Variants in MYO1D observed in about 807,000 individuals in gnomAD.
MYO1D encodes the protein myosin ID, also known as unconventional myosin-Id.
Under a neutral mutation model 122.0 loss-of-function variants are expected in MYO1D, and 83 were observed. The ratio of observed to expected loss-of-function variants is 0.68; its 90% CI spans 0.57 to 0.82. MYO1D has a LOEUF of 0.82. MYO1D is among the 40% of genes least tolerant of loss of function. The pLI is 0.00. For synonymous variants in MYO1D, 464 were observed against 446.9 expected (o/e 1.04, Z -0.48); for missense variants, 1,157 against 1,269.5 (o/e 0.91, Z 1.35).
At chr17:32,594,665 T>G in intron 21 of MYO1D, 1 of 479,782 alleles carries the variant, frequency 2.1e-6, no homozygotes, top group Non-Finnish European at 3.7e-6. Context: ...TATCTTCCTT[T>G]ATAGGCCTCC....
chr17:32,777,741 C>G (rs753670712), intron 3 of MYO1D, among the ~76,000 whole-genome samples: 2 of 151,528 alleles, frequency 1.3e-5, no homozygotes, highest in Non-Finnish European at 2.9e-5. Context: ...GTCAGGAGAT[C>G]GAGACCACAG....
intron 20 of MYO1D, among the ~76,000 whole-genome samples, chr17:32,630,508 G>A (rs8079401): frequency 0.43 from 64,692 of 152,062 alleles, 14,012 homozygotes; most frequent in Middle Eastern, 0.49. Context: ...GGCTTAAACA[G>A]CAGAAATGTA....
chr17:32,743,811 G>T (rs928147019), intron 13 of MYO1D, among the ~76,000 whole-genome samples: 4 of 151,620 alleles, frequency 2.6e-5, no homozygotes, highest in African/African-American at 9.7e-5. Flanking sequence ...GTAGAGACGG[G>T]GTTTCACCAT....
At chr17:32,766,262 A>G (rs1194954218) in intron 7 of MYO1D, among the ~76,000 whole-genome samples, 2 of 152,182 alleles carry the variant, frequency 1.3e-5, no homozygotes, top group Non-Finnish European at 2.9e-5. Flanking sequence ...TCAATAAGCA[A>G]TACATACTTA....
At chr17:32,734,261 C>G (rs1000072762) in intron 14 of MYO1D, among the ~76,000 whole-genome samples, 3 of 151,812 alleles carry the variant, frequency 2.0e-5, no homozygotes, top group African/African-American at 7.3e-5. Flanking sequence ...TTCTAGAAAA[C>G]CATCTACATT....
In MYO1D at chr17:32,753,443, T is replaced by C. The variant is rs1194337928; in HGVS notation, c.1467+2049A>G. Among the ~76,000 whole-genome samples the C allele has an allele frequency of 2.0e-5, 3 of 152,134 alleles. No individual in the cohort carries two copies. In the East Asian group the frequency reaches 5.8e-4, roughly 29 times the overall value. ...AATAATCACTACCTCAGCACTTGTC[T>C]TAGGGATACCAAAAGAAAGAGCCAC... On this transcript the variant is annotated intron_variant, in intron 11 of 21. Coordinates refer to ENST00000318217, the MANE Select transcript of MYO1D (RefSeq NM_015194.3).
In MYO1D at chr17:32,712,005, C is replaced by T; in HGVS notation, c.2104G>A (p.Val702Ile). 6.2e-7 allele frequency: 1 copy of T among 1,613,698 alleles called. No homozygotes were observed. Among genetic ancestry groups the T allele is most frequent in the East Asian group, 2.2e-5 (1 of 44,872 alleles). The change falls in exon 16 of 22, where the codon GTC becomes ATC. Residue 702 changes from valine (V) to isoleucine (I), a missense_variant. Transcript: ENST00000318217. ...AAAATTACCTTTTGTAGAAAGAGGACAATCCTTATGAGCATCTGGGCACGG... is the reference window on the plus strand; with the variant it reads ...AAAATTACCTTTTGTAGAAAGAGGATAATCCTTATGAGCATCTGGGCACGG... The part of the protein sequence containing the change: ...ELRAQMLIRI[V>I]LFLQKVWRGT...
Position 32,574,973 on chromosome 17 carries a change from T to C in MYO1D, c.2864+30114A>G, listed in dbSNP as rs139171831. Among the ~76,000 whole-genome samples, 743 of 152,340 alleles carry C rather than the reference T, an allele frequency of 4.9e-3. 8 individuals are homozygous for C. The South Asian group carries it at 0.062, about 13-fold the overall frequency. The stretch of plus-strand genomic sequence containing the variant: ...GAGGATAAATATGTCTACCTTGTAA[T>C]ACAGTGACTTTGAAGGATAAATAAG... On this transcript the variant is annotated intron_variant, in intron 21 of 21. Transcript: ENST00000318217.
chr17:32,782,986 A>G (rs978094142), intron 1 of MYO1D, among the ~76,000 whole-genome samples: 6 of 152,036 alleles, frequency 3.9e-5, no homozygotes, highest in African/African-American at 1.5e-4. Flanking sequence ...ACTACAAGTC[A>G]CAAGCAAAAT....
chr17:32,866,059 A>T (rs1231547904), intron 1 of MYO1D, among the ~76,000 whole-genome samples: 1 of 152,200 alleles, frequency 6.6e-6, no homozygotes, highest in Non-Finnish European at 1.5e-5. Context: ...TATATTGCCT[A>T]GGCTGGAGTG....
chr17:32,745,106 A>T (rs1382548546), intron 13 of MYO1D, 105 bp downstream of exon 13: 1 of 682,038 alleles, frequency 1.5e-6, no homozygotes, highest in Admixed American at 3.2e-5. Flanking sequence ...AGAACAAGAA[A>T]ATGTGCCAGA....
chr17:32,860,356 T>C (rs764543382), intron 1 of MYO1D, among the ~76,000 whole-genome samples: 11 of 152,298 alleles, frequency 7.2e-5, no homozygotes, highest in East Asian at 5.8e-4. Flanking sequence ...CTGACTGATA[T>C]AGAGTGAAGC....
intron 10 of MYO1D, among the ~76,000 whole-genome samples, chr17:32,758,089 T>A (rs1490505573): frequency 1.3e-5 from 2 of 152,018 alleles, no homozygotes; most frequent in Non-Finnish European, 2.9e-5. Flanking sequence ...TGACTCTGAA[T>A]CCAGTCAAGA....
intron 16 of MYO1D, among the ~76,000 whole-genome samples, chr17:32,687,195 ATT>A (rs371967017): frequency 6.4e-4 from 85 of 131,898 alleles, no homozygotes; most frequent in Admixed American, 8.3e-4. Flanking sequence ...TGCCTGGCTA[ATT>A]TTTTTTTTTT....
chr17:32,876,637 C>T, intron 1 of MYO1D, 141 bp downstream of exon 1: 1 of 605,888 alleles, frequency 1.7e-6, no homozygotes, highest in East Asian at 3.6e-5. Context: ...GCTTGGCAGA[C>T]CCCCGGACAC....
intron 3 of MYO1D, among the ~76,000 whole-genome samples, chr17:32,776,726 A>G (rs2090175491): frequency 6.6e-6 from 1 of 152,176 alleles, no homozygotes; most frequent in Non-Finnish European, 1.5e-5. Context: ...GAAATTGCTC[A>G]TTATTTTCTT....
intron 21 of MYO1D, among the ~76,000 whole-genome samples, chr17:32,520,202 G>A (rs747579354): frequency 1.3e-5 from 2 of 152,162 alleles, no homozygotes; most frequent in Non-Finnish European, 2.9e-5. Flanking sequence ...TACTCTGTGA[G>A]GGTGGAAACC....
intron 1 of MYO1D, among the ~76,000 whole-genome samples, chr17:32,808,725 CT>C (rs1338759746): frequency 6.6e-6 from 1 of 152,176 alleles, no homozygotes; most frequent in Non-Finnish European, 1.5e-5. Flanking sequence ...CTAACATACT[CT>C]TTTTCCACCA....
At chr17:32,767,208 G>A (rs2090067647) in intron 7 of MYO1D, among the ~76,000 whole-genome samples, 1 of 152,176 alleles carries the variant, frequency 6.6e-6, no homozygotes, top group Admixed American at 6.5e-5. Context: ...GCTCTGGGAT[G>A]AGCTGGCTGT....
Sources: gnomAD v4.1 joint callset for allele counts (sites outside exome capture counted in the v4.1 genomes callset) on GRCh38, gnomAD v4.1.1 for gene constraint, MANE v1.5 for transcripts, NCBI Gene and HGNC (gene_info 2026-07-23, HGNC 2026-07-21) for gene names.